Variants in SLFN12L observed in about 807,000 individuals in gnomAD.
SLFN12L encodes schlafen family member 12-like.
SLFN12L carries 34 observed loss-of-function variants against 34.8 expected under a neutral mutation model. The ratio of observed to expected loss-of-function variants is 0.98; its 90% confidence interval spans 0.74 to 1.30. The LOEUF is 1.30. SLFN12L is among the 50% of genes most tolerant of loss of function. SLFN12L has a pLI of 0.00. For synonymous variants in SLFN12L, 259 were observed against 247.5 expected (o/e 1.05, Z -0.44); for missense variants, 703 against 696.2 (o/e 1.01, Z -0.11).
At chr17:35,498,171 G>T in intron 2 of SLFN12L, 4 of 314,528 alleles carry the variant, frequency 1.3e-5, no homozygotes, top group Admixed American at 5.0e-5. Context: ...TCTCGATCCG[G>T]GAGGCGGCGG....
At chr17:35,486,440 G>A (rs1017145377) in intron 2 of SLFN12L, among the ~76,000 whole-genome samples, 1 of 152,142 alleles carries the variant, frequency 6.6e-6, no homozygotes, top group African/African-American at 2.4e-5. Flanking sequence ...GGAACCCATG[G>A]GAGCTGCAGT....
intron 1 of SLFN12L, among the ~76,000 whole-genome samples, chr17:35,524,321 C>T (rs1011392032): frequency 1.3e-5 from 2 of 152,184 alleles, no homozygotes; most frequent in Non-Finnish European, 2.9e-5. Context: ...AGTGTACCTG[C>T]CTGACAGCTC....
chr17:35,515,088 A>T, intron 2 of SLFN12L: 1 of 628,090 alleles, frequency 1.6e-6, no homozygotes, highest in Non-Finnish European at 3.1e-6. Flanking sequence ...CCTATTCTTT[A>T]AGTTGGGGTC....
rs928736954 is a variant in SLFN12L at position 35,466,396 on chromosome 17, A to C, written c.*8527T>G. On this transcript the variant is annotated 3_prime_UTR_variant, in exon 5 of 5. Transcript: ENST00000628453. ...TTTTACAGAATGTCATATAGTTGGAATCATACAGTATATAGCCTTTTCAGA... is the reference window on the plus strand; with the variant it reads ...TTTTACAGAATGTCATATAGTTGGACTCATACAGTATATAGCCTTTTCAGA... 1.3e-5 allele frequency among the ~76,000 whole-genome samples: 2 copies of C among 152,202 alleles called. No individual in the cohort carries two copies. Among genetic ancestry groups the C allele is most frequent in the East Asian group, 3.8e-4 (2 of 5,202 alleles).
chr17:35,499,807 T>G (rs538743593), intron 2 of SLFN12L: 1 of 201,240 alleles, frequency 5.0e-6, no homozygotes, highest in East Asian at 1.9e-4. Context: ...GTTCAACCTT[T>G]TTTGGTTTGT....
intron 2 of SLFN12L, among the ~76,000 whole-genome samples, chr17:35,516,081 G>GT (rs1915819057): frequency 6.6e-6 from 1 of 151,912 alleles, no homozygotes; most frequent in Non-Finnish European, 1.5e-5. Flanking sequence ...GATCAATATA[G>GT]GACCATAGAA....
chr17:35,516,250 G>T (rs946313931), intron 2 of SLFN12L, among the ~76,000 whole-genome samples: 1 of 152,144 alleles, frequency 6.6e-6, no homozygotes, highest in African/African-American at 2.4e-5. Context: ...AAAGGTTGGG[G>T]TCCCTACTAG....
rs768655978 is a variant in SLFN12L at position 35,479,224 on chromosome 17, C to T, written c.1058G>A (p.Cys353Tyr). The change falls in exon 3 of 5, where the codon TGC (cysteine) becomes TAC (tyrosine). Residue 353 changes from cysteine (C) to tyrosine (Y), a missense_variant. Physicochemically the swap from Cys to Tyr is radical, Grantham distance 194 (BLOSUM62 -2). Coordinates refer to ENST00000628453, the MANE Select transcript of SLFN12L (RefSeq NM_001363830.2). ...AGGCTTTTTAGCAAACACTGCACAG[C>T]AGAAGCGTTCCACTCTGAGTGCATA... Reference protein sequence around the residue: ...YVYALRVERFCCAVFAKKPDS... With the variant: ...YVYALRVERFYCAVFAKKPDS... 1.9e-6 allele frequency: 3 copies of T among 1,589,188 alleles called. No individual in the cohort carries two copies. Among genetic ancestry groups the T allele is most frequent in the Non-Finnish European group, 2.6e-6 (3 of 1,166,166 alleles).
intron 2 of SLFN12L, among the ~76,000 whole-genome samples, chr17:35,518,092 T>A (rs2142165261): frequency 6.6e-6 from 1 of 152,230 alleles, no homozygotes; most frequent in South Asian, 2.1e-4. Context: ...TAAACTATCA[T>A]CAGGGTGAAC....
At chr17:35,486,505 C>T (rs1567655353) in intron 2 of SLFN12L, among the ~76,000 whole-genome samples, 1 of 152,176 alleles carries the variant, frequency 6.6e-6, no homozygotes, top group East Asian at 1.9e-4. Context: ...ATCCTGGCCA[C>T]CCGAGTCCAA....
At position 35,475,460 on chromosome 17, in the gene SLFN12L, A is replaced by G. The variant is rs778287400; in HGVS notation, c.1302T>C (p.Ala434=). ...ACAGATTTCTGCAGAAGGTTTTTGG[A>G]GCACAAGTTATCTTTTCTGATAGCC... ...LPGLSEKITC[A]PKTFCRNLFS... Residue 434 remains alanine (A), a synonymous_variant, in exon 5 of 5, where the codon GCT becomes GCC. Coordinates refer to ENST00000628453, the MANE Select transcript of SLFN12L (RefSeq NM_001363830.2). 31 of 1,609,832 alleles carry G rather than the reference A, an allele frequency of 1.9e-5. 1 individual carries two copies. The South Asian group carries it at 3.4e-4, about 18-fold the overall frequency.
chr17:35,528,161 TC>T (rs1365852651), intron 1 of SLFN12L, among the ~76,000 whole-genome samples: 1 of 152,184 alleles, frequency 6.6e-6, no homozygotes, highest in Non-Finnish European at 1.5e-5. Flanking sequence ...AAGGACCTCT[TC>T]AAGGAGAACT....
chr17:35,515,625 G>A (rs1219583959), intron 2 of SLFN12L, among the ~76,000 whole-genome samples: 1 of 135,316 alleles, frequency 7.4e-6, no homozygotes, highest in Non-Finnish European at 1.5e-5. Flanking sequence ...CGGCCACCAC[G>A]CCCGGCAATT....
intron 1 of SLFN12L, among the ~76,000 whole-genome samples, chr17:35,533,958 G>A (rs2072434875): frequency 6.6e-6 from 1 of 152,202 alleles, no homozygotes; most frequent in Non-Finnish European, 1.5e-5. Context: ...TGTAGTCCCA[G>A]CTACTTGGGA....
chr17:35,516,087 T>C (rs1915819458), intron 2 of SLFN12L, among the ~76,000 whole-genome samples: 1 of 152,180 alleles, frequency 6.6e-6, no homozygotes, highest in Admixed American at 6.5e-5. Flanking sequence ...TATAGGACCA[T>C]AGAATTTGAG....
intron 2 of SLFN12L, among the ~76,000 whole-genome samples, chr17:35,489,599 C>T (rs1430530865): frequency 6.6e-6 from 1 of 151,882 alleles, no homozygotes; most frequent in African/African-American, 2.4e-5. Context: ...CAGCAATATA[C>T]CCCCCAAAAT....
rs1228349880 is a variant in SLFN12L at position 35,530,357 on chromosome 17, GAA to G, written c.-606+7214_-606+7215del. ...TGAGACTCTGTCAGAAAAAAAAAGA[GAA>G]AGAAAGGAAGGAAGGAAGGAAGGAA... On this transcript the variant is annotated intron_variant, in intron 1 of 4. Transcript: ENST00000628453. Among the ~76,000 whole-genome samples the G allele has an allele frequency of 2.0e-3, 203 of 102,780 alleles. 1 individual carries two copies. The highest frequency in any genetic ancestry group is 6.9e-3 in the African/African-American group (189 of 27,198). The allele number at this position is 102,780 out of a possible 152,430, so 67.4% of individuals were successfully genotyped here. A position where few individuals can be genotyped will look rare whatever the true frequency, so the allele number is the denominator to read the frequency against.
At position 35,466,533 on chromosome 17, in the gene SLFN12L, T is replaced by G. The variant is rs1252370847; in HGVS notation, c.*8390A>C. On this transcript the variant is annotated 3_prime_UTR_variant, in exon 5 of 5. Transcript: ENST00000628453. The stretch of plus-strand genomic sequence containing the variant: ...TAACCTCCTCCAAGGAGATGTCACT[T>G]AATCTACTCATATGGACATAAGAGT... Among the ~76,000 whole-genome samples, 1 of 152,246 alleles carries G rather than the reference T, an allele frequency of 6.6e-6. No homozygotes were observed. The highest frequency in any genetic ancestry group is 1.9e-4 in the East Asian group (1 of 5,204).
At chr17:35,487,210 A>C (rs1172087359) in intron 2 of SLFN12L, among the ~76,000 whole-genome samples, 1 of 151,930 alleles carries the variant, frequency 6.6e-6, no homozygotes, top group African/African-American at 2.4e-5. Flanking sequence ...CTGCACCAAC[A>C]CCTCACGGGC....
Sources: allele counts gnomAD v4.1 joint callset (sites outside exome capture counted in the v4.1 genomes callset), GRCh38; gene constraint gnomAD v4.1.1; transcripts MANE v1.5; gene names NCBI Gene and HGNC (gene_info 2026-07-23, HGNC 2026-07-21).